CAMK2D: variants seen among roughly 807,000 people sequenced by gnomAD.
CAMK2D encodes the protein calcium/calmodulin dependent protein kinase II delta, also known as calcium/calmodulin-dependent protein kinase type II subunit delta.
In CAMK2D, 37 loss-of-function variants were observed where a neutral mutation model predicts 84.0. The observed-to-expected ratio is 0.44, with a 90% confidence interval of 0.34 to 0.58. CAMK2D has a LOEUF of 0.58. CAMK2D is among the 20% of genes least tolerant of loss of function. The probability of loss-of-function intolerance (pLI) is 0.02; values close to 1 mark genes in which losing one functional copy is unlikely to be tolerated. For missense variants in CAMK2D, 448 were observed against 652.5 expected (o/e 0.69, Z 3.41); for synonymous variants, 202 against 212.5 (o/e 0.95, Z 0.43).
chr4:113,696,195 G>GACACACACACACAC (rs56784441), intron 2 of CAMK2D, among the ~76,000 whole-genome samples: 4 of 144,622 alleles, frequency 2.8e-5, no homozygotes, highest in South Asian at 2.2e-4. Context: ...CAGACACACA[G>GACACACACACACAC]ACACACACAC....
At chr4:113,613,872 G>C (rs1441378038) in intron 3 of CAMK2D, among the ~76,000 whole-genome samples, 1 of 151,942 alleles carries the variant, frequency 6.6e-6, no homozygotes, top group Non-Finnish European at 1.5e-5. Flanking sequence ...AGGTGTGTAT[G>C]TGTGTGTGTG....
At chr4:113,604,722 T>C (rs184561043) in intron 4 of CAMK2D, among the ~76,000 whole-genome samples, 1 of 152,356 alleles carries the variant, frequency 6.6e-6, no homozygotes, top group African/African-American at 2.4e-5. Flanking sequence ...TTAAAAATCT[T>C]ATTCTGTTTC....
intron 3 of CAMK2D, 127 bp from the exon 4 acceptor site, chr4:113,609,333 A>G (rs2154266703): frequency 1.6e-6 from 1 of 629,802 alleles, no homozygotes; most frequent in East Asian, 2.8e-5. Flanking sequence ...TTAGCCTTTG[A>G]TACGTCCGTA....
rs954913640 is a variant in CAMK2D at position 113,460,106 on chromosome 4, G to A, written c.1306+41C>T. ...CTGCAAATTTGGGAAAATTCAGAGA[G>A]GTTTAAAAAGGGCATGTTATTAAAT... On this transcript the variant is annotated intron_variant, in intron 18 of 20. Coordinates refer to ENST00000511664, the MANE Select transcript of CAMK2D (RefSeq NM_001321571.2). 14 of 1,156,814 alleles carry A rather than the reference G, an allele frequency of 1.2e-5. No individual in the cohort carries two copies. The African/African-American group carries it at 2.0e-4, about 16-fold the overall frequency. The allele number at this position is 1,156,814 out of a possible 1,614,324, so 71.7% of individuals were successfully genotyped here. A position where few individuals can be genotyped will look rare whatever the true frequency, so the allele number is the denominator to read the frequency against.
At chr4:113,658,369 C>G (rs2154308694) in intron 3 of CAMK2D, among the ~76,000 whole-genome samples, 1 of 152,222 alleles carries the variant, frequency 6.6e-6, no homozygotes, top group Non-Finnish European at 1.5e-5. Flanking sequence ...CCTTAGGGCC[C>G]TTATGCAGGC....
chr4:113,707,467 A>C (rs2099463963), intron 2 of CAMK2D, among the ~76,000 whole-genome samples: 1 of 152,220 alleles, frequency 6.6e-6, no homozygotes, highest in Non-Finnish European at 1.5e-5. Context: ...AACCAGAAGA[A>C]AATGGCTTAA....
At chr4:113,646,011 CAT>C (rs952918925) in intron 3 of CAMK2D, among the ~76,000 whole-genome samples, 1 of 152,270 alleles carries the variant, frequency 6.6e-6, no homozygotes, top group Non-Finnish European at 1.5e-5. Flanking sequence ...TTTGCTGACT[CAT>C]GTGGTTTGTT....
intron 16 of CAMK2D, among the ~76,000 whole-genome samples, chr4:113,466,920 T>G (rs1431998034): frequency 6.6e-6 from 1 of 152,242 alleles, no homozygotes; most frequent in Non-Finnish European, 1.5e-5. Context: ...GTGTCTTCCT[T>G]GTTAACTTAA....
chr4:113,457,709 T>G (rs892503016), intron 18 of CAMK2D, 146 bp from the exon 19 acceptor site: 2 of 643,718 alleles, frequency 3.1e-6, no homozygotes, highest in Non-Finnish European at 2.7e-6. Flanking sequence ...TTTGTACTAA[T>G]TGGGTACTGG....
At position 113,517,656 on chromosome 4, in the gene CAMK2D, A is replaced by C; in HGVS notation, c.603T>G (p.Gly201=). The part of the protein sequence containing the change: ...YGKPVDMWAC[G]VILYILLVGY... ...CCACAAGTAGAATATAGAGAATGAC[A>C]CCTGGAGGAGAATATAATGTTAACA... is the stretch of plus-strand genomic sequence containing the variant. Residue 201 remains glycine, a splice_region_variant and synonymous_variant, in exon 9 of 21, where the codon GGT becomes GGG. Coordinates refer to ENST00000511664, the MANE Select transcript of CAMK2D (RefSeq NM_001321571.2). The C allele has an allele frequency of 7.0e-7, 1 of 1,426,536 alleles. No individual in the cohort carries two copies. The highest frequency in any genetic ancestry group is 9.9e-7 in the Non-Finnish European group (1 of 1,010,750). The allele number at this position is 1,426,536 out of a possible 1,614,324, so 88.4% of individuals were successfully genotyped here. A position where few individuals can be genotyped will look rare whatever the true frequency, so the allele number is the denominator to read the frequency against.
At chr4:113,465,693 C>T in intron 16 of CAMK2D, 89 bp from the exon 17 acceptor site, 1 of 796,360 alleles carries the variant, frequency 1.3e-6, no homozygotes, top group Non-Finnish European at 2.2e-6. Flanking sequence ...GAGATAGGGT[C>T]TCACTCTGTC....
At chr4:113,580,503 T>G (rs1321069724) in intron 4 of CAMK2D, among the ~76,000 whole-genome samples, 1 of 152,194 alleles carries the variant, frequency 6.6e-6, no homozygotes, top group African/African-American at 2.4e-5. Flanking sequence ...GAAAAGATAT[T>G]CAGAAAACTA....
At chr4:113,696,195 GACACACACACACACAC>G (rs56784441) in intron 2 of CAMK2D, among the ~76,000 whole-genome samples, 11 of 144,634 alleles carry the variant, frequency 7.6e-5, no homozygotes, top group African/African-American at 2.5e-4. Flanking sequence ...CAGACACACA[GACACACACACACACAC>G]ACACACACAC....
intron 5 of CAMK2D, among the ~76,000 whole-genome samples, chr4:113,548,947 C>G (rs528656486): frequency 6.6e-6 from 1 of 152,232 alleles, no homozygotes; most frequent in South Asian, 2.1e-4. Context: ...GTGACATGTT[C>G]AGACAAAACA....
At chr4:113,681,175 A>G (rs1466662615) in intron 2 of CAMK2D, among the ~76,000 whole-genome samples, 7 of 152,178 alleles carry the variant, frequency 4.6e-5, no homozygotes, top group Non-Finnish European at 7.3e-5. Flanking sequence ...TATAAAAAGT[A>G]AAAAATGAGA....
intron 4 of CAMK2D, among the ~76,000 whole-genome samples, chr4:113,585,767 A>G (rs1467766903): frequency 6.6e-6 from 1 of 151,810 alleles, no homozygotes; most frequent in East Asian, 1.9e-4. Context: ...ATAGATTAGT[A>G]TATAGAACTT....
chr4:113,609,143 T>C lies in CAMK2D; in HGVS notation c.275+9A>G. On this transcript the variant is annotated intron_variant, in intron 4 of 20. Transcript: ENST00000511664. Reference sequence around the variant, plus strand: ...TTGCAAAAATAATGAATACAGAGTATATACTTACAAATCAAACACCAAGTA... The same window carrying C: ...TTGCAAAAATAATGAATACAGAGTACATACTTACAAATCAAACACCAAGTA... 1 of 1,467,866 alleles carries C rather than the reference T, an allele frequency of 6.8e-7. No homozygotes were observed. Among genetic ancestry groups the C allele is most frequent in the Non-Finnish European group, 9.6e-7 (1 of 1,046,756 alleles). 90.9% of individuals were successfully genotyped at this position (1,467,866 alleles called of 1,614,324 possible).
chr4:113,726,597 TCTCA>T (rs1387787555), intron 2 of CAMK2D, among the ~76,000 whole-genome samples: 1 of 151,760 alleles, frequency 6.6e-6, no homozygotes, highest in Non-Finnish European at 1.5e-5. Context: ...CAAGATGGGG[TCTCA>T]CTATGTTGCC....
In CAMK2D at chr4:113,517,551, G is replaced by A. The variant is rs746924706; in HGVS notation, c.696+12C>T. On this transcript the variant is annotated intron_variant, in intron 9 of 20. Coordinates refer to ENST00000511664, the MANE Select transcript of CAMK2D (RefSeq NM_001321571.2). ...ACCTTCATCTAAAGTGATATAAATA[G>A]TTATTACATACATCATAAGCTCCAG... 3.0e-6 allele frequency: 4 copies of A among 1,318,542 alleles called. No homozygotes were observed. The highest frequency in any genetic ancestry group is 2.3e-5 in the East Asian group (1 of 43,520). The allele number at this position is 1,318,542 out of a possible 1,614,324, so 81.7% of individuals were successfully genotyped here.
Sources: gnomAD v4.1 joint callset for allele counts (sites outside exome capture counted in the v4.1 genomes callset) on GRCh38, gnomAD v4.1.1 for gene constraint, MANE v1.5 for transcripts, NCBI Gene and HGNC (gene_info 2026-07-23, HGNC 2026-07-21) for gene names.